The following DLG1 variants were observed in gnomAD, a reference collection of about 807,000 sequenced individuals.
DLG1 encodes disks large homolog 1.
A neutral mutation model predicts 123.4 loss-of-function variants in DLG1; 42 were observed. The ratio of observed to expected loss-of-function variants is 0.34; its 90% confidence interval spans 0.27 to 0.44. DLG1 has a LOEUF of 0.44. DLG1 is among the 20% of genes least tolerant of loss of function. The pLI, the probability that DLG1 is intolerant of heterozygous loss-of-function variation, is 1.00. For missense variants in DLG1, 942 were observed against 1,082.6 expected (o/e 0.87, Z 1.82); for synonymous variants, 317 against 356.2 (o/e 0.89, Z 1.24).
intron 4 of DLG1, among the ~76,000 whole-genome samples, chr3:197,223,585 CTTG>C (rs1297000422): frequency 4.6e-5 from 7 of 152,264 alleles, no homozygotes; most frequent in Admixed American, 3.3e-4. Context: ...AGTAAGATTA[CTTG>C]TTGTTTACAT....
chr3:197,143,508 G>A (rs981551740), intron 6 of DLG1, among the ~76,000 whole-genome samples: 2 of 151,978 alleles, frequency 1.3e-5, no homozygotes, highest in Admixed American at 6.6e-5. Context: ...CACCCGCCTC[G>A]GCCTCCCAAA....
intron 14 of DLG1, 145 bp from the exon 15 acceptor site, chr3:197,091,171 A>G: frequency 1.9e-6 from 1 of 520,358 alleles, no homozygotes; most frequent in Non-Finnish European, 3.3e-6. Flanking sequence ...ATTTTGCCCA[A>G]CACATAAATT....
intron 4 of DLG1, among the ~76,000 whole-genome samples, chr3:197,272,164 A>G (rs1296871652): frequency 6.6e-6 from 1 of 152,178 alleles, no homozygotes; most frequent in Non-Finnish European, 1.5e-5. Context: ...TGCCAAATTG[A>G]TTGTAGTATT....
chr3:197,072,191 G>T (rs757223745), intron 18 of DLG1, among the ~76,000 whole-genome samples: 3 of 151,600 alleles, frequency 2.0e-5, no homozygotes, highest in South Asian at 2.1e-4. Flanking sequence ...TTTTACCACG[G>T]TTTTTTTTAT....
intron 13 of DLG1, among the ~76,000 whole-genome samples, chr3:197,110,632 G>A (rs1769390202): frequency 1.3e-5 from 2 of 152,124 alleles, no homozygotes; most frequent in Admixed American, 6.5e-5. Context: ...ACTCCAGATA[G>A]CAGAACTGTC....
chr3:197,218,853 C>T (rs6771873), intron 4 of DLG1, among the ~76,000 whole-genome samples: 105 of 152,258 alleles, frequency 6.9e-4, no homozygotes, highest in African/African-American at 2.4e-3. Flanking sequence ...AAAACTCGGC[C>T]GGGTGCGATG....
At chr3:197,230,552 T>G (rs1432864486) in intron 4 of DLG1, among the ~76,000 whole-genome samples, 1 of 152,186 alleles carries the variant, frequency 6.6e-6, no homozygotes, top group Non-Finnish European at 1.5e-5. Context: ...GCTAACAAAT[T>G]TTTTAAGTCC....
At chr3:197,264,237 G>C (rs78290545) in intron 4 of DLG1, among the ~76,000 whole-genome samples, 11 of 151,992 alleles carry the variant, frequency 7.2e-5, no homozygotes, top group Non-Finnish European at 1.5e-4. Context: ...AGTTTTATAC[G>C]GTTTAAGTTG....
chr3:197,062,465 T>C (rs1345774400), intron 22 of DLG1, among the ~76,000 whole-genome samples: 1 of 152,218 alleles, frequency 6.6e-6, no homozygotes, highest in Non-Finnish European at 1.5e-5. Flanking sequence ...ACGATTTTTA[T>C]TTTACTCTAT....
chr3:197,284,338 C>G (rs1770797259), intron 3 of DLG1, among the ~76,000 whole-genome samples: 1 of 152,132 alleles, frequency 6.6e-6, no homozygotes, highest in African/African-American at 2.4e-5. Context: ...ACACACACAT[C>G]ACACTATGTA....
chr3:197,172,328 C>T (rs1804642870), intron 5 of DLG1, among the ~76,000 whole-genome samples: 1 of 152,066 alleles, frequency 6.6e-6, no homozygotes, highest in Non-Finnish European at 1.5e-5. Context: ...AACTATTTTA[C>T]TGGTTTGTAT....
In DLG1 at chr3:197,100,087, A is replaced by G. The variant is rs560689326; in HGVS notation, c.1546+4816T>C. On this transcript the variant is annotated intron_variant, in intron 14 of 24. Coordinates refer to ENST00000667157, the MANE Select transcript of DLG1 (RefSeq NM_001366207.1). The stretch of plus-strand genomic sequence containing the variant: ...GGTCAACTGCAGCACAGGCGCGTAG[A>G]AAAATACAGCAAGGGAAGTGGGAAA... Among the ~76,000 whole-genome samples the G allele has an allele frequency of 1.3e-3, 195 of 152,316 alleles. 1 individual carries two copies. Among genetic ancestry groups the G allele is most frequent in the Non-Finnish European group, 1.4e-3 (98 of 68,024 alleles).
chr3:197,109,691 A>G (rs1305491384), intron 13 of DLG1, among the ~76,000 whole-genome samples: 1 of 152,160 alleles, frequency 6.6e-6, no homozygotes, highest in African/African-American at 2.4e-5. Flanking sequence ...TTTTTGAGAG[A>G]TGAACTCCTT....
In DLG1 at chr3:197,068,509, G is replaced by A. The variant is rs766388457; in HGVS notation, c.2047+710C>T. Reference sequence around the variant, plus strand: ...GATATTAACAGGATGGACCTTTTGAGCAGCCATACTCATCTGTAATCAAGA... The same window carrying A: ...GATATTAACAGGATGGACCTTTTGAACAGCCATACTCATCTGTAATCAAGA... On this transcript the variant is annotated intron_variant, in intron 19 of 24. Transcript: ENST00000667157. 5.7e-6 allele frequency: 9 copies of A among 1,580,642 alleles called. No homozygotes were observed. The South Asian group carries it at 1.0e-4, about 18-fold the overall frequency.
chr3:197,190,748 CGCCTGT>C (rs1718905073), intron 5 of DLG1, among the ~76,000 whole-genome samples: 1 of 152,166 alleles, frequency 6.6e-6, no homozygotes, highest in Non-Finnish European at 1.5e-5. Context: ...CGGTGGCTCC[CGCCTGT>C]AATCCCAGCA....
At chr3:197,057,642 C>T (rs902180175) in intron 23 of DLG1, among the ~76,000 whole-genome samples, 1 of 152,112 alleles carries the variant, frequency 6.6e-6, no homozygotes, top group Non-Finnish European at 1.5e-5. Context: ...TTTTTTTAAC[C>T]TGTATTTCCA....
intron 22 of DLG1, among the ~76,000 whole-genome samples, chr3:197,061,654 CTATGGGTT>C (rs749066085): frequency 6.6e-6 from 1 of 152,062 alleles, no homozygotes; most frequent in African/African-American, 2.4e-5. Flanking sequence ...ATGCCTCATT[CTATGGGTT>C]TATGGGTTTG....
chr3:197,204,495 T>C (rs968338826), intron 4 of DLG1, among the ~76,000 whole-genome samples: 3 of 152,194 alleles, frequency 2.0e-5, no homozygotes, highest in African/African-American at 7.2e-5. Flanking sequence ...TTAATAAAAT[T>C]AGCTATTATA....
chr3:197,215,735 T>C (rs761693648), intron 4 of DLG1, among the ~76,000 whole-genome samples: 1 of 152,086 alleles, frequency 6.6e-6, no homozygotes, highest in African/African-American at 2.4e-5. Context: ...AAATCAACAA[T>C]TTATTGTTCA....
Sources: allele counts gnomAD v4.1 joint callset (sites outside exome capture counted in the v4.1 genomes callset), GRCh38; gene constraint gnomAD v4.1.1; transcripts MANE v1.5; gene names NCBI Gene and HGNC (gene_info 2026-07-23, HGNC 2026-07-21).